SRGAP2: variants seen among roughly 807,000 people sequenced by gnomAD.
SRGAP2 encodes the protein SLIT-ROBO Rho GTPase activating protein 2, also known as SLIT-ROBO Rho GTPase-activating protein 2.
SRGAP2 carries 15 observed loss-of-function variants against 57.2 expected under a neutral mutation model. The ratio of observed to expected loss-of-function variants is 0.26; its 90% CI spans 0.18 to 0.40. SRGAP2 has a LOEUF of 0.40. Among genes scored for constraint, SRGAP2 ranks in the 10% least tolerant of loss-of-function variants. The pLI is 1.00. For synonymous variants in SRGAP2, 249 were observed against 248.0 expected, an observed-to-expected ratio of 1.00 and a Z score of -0.04; for missense variants, 520 against 669.6, an observed-to-expected ratio of 0.78 and a Z score of 2.47.
intron 4 of SRGAP2, among the ~76,000 whole-genome samples, chr1:206,357,582 C>CTTTT (rs781912077): frequency 2.2e-4 from 17 of 78,044 alleles, no homozygotes; most frequent in African/African-American, 8.8e-4. Flanking sequence ...GCTATGTTGT[C>CTTTT]TTTTTTTTTT....
At chr1:206,450,346 G>C in intron 18 of SRGAP2, 40 bp from the exon 19 acceptor site, 1 of 778,156 alleles carries the variant, frequency 1.3e-6, no homozygotes, top group Non-Finnish European at 2.4e-6. Flanking sequence ...AATTTTATGA[G>C]CACATGTTAA....
chr1:206,326,898 C>G (rs1553330173), intron 3 of SRGAP2, among the ~76,000 whole-genome samples: 3 of 152,166 alleles, frequency 2.0e-5, no homozygotes, highest in Admixed American at 6.5e-5. Flanking sequence ...TGAGGTGGCT[C>G]ATACTTGTGA....
chr1:206,321,815 C>A (rs1673469789), intron 3 of SRGAP2, among the ~76,000 whole-genome samples: 1 of 152,134 alleles, frequency 6.6e-6, no homozygotes, highest in Admixed American at 6.5e-5. Context: ...TCTTTGAGCA[C>A]TTCCTTACTT....
chr1:206,304,927 TTTTTA>T (rs1469973810), intron 3 of SRGAP2, among the ~76,000 whole-genome samples: 2 of 149,228 alleles, frequency 1.3e-5, no homozygotes, highest in African/African-American at 5.0e-5. Context: ...TACCCAGCTA[TTTTTA>T]TTTTATTTTA....
intron 11 of SRGAP2, among the ~76,000 whole-genome samples, chr1:206,418,466 G>A (rs188901266): frequency 1.3e-5 from 2 of 152,334 alleles, no homozygotes; most frequent in African/African-American, 4.8e-5. Context: ...GAGTGTGGGA[G>A]CTGATTTTTA....
chr1:206,267,714 CTT>C (rs1553314956), intron 2 of SRGAP2, among the ~76,000 whole-genome samples: 1 of 150,414 alleles, frequency 6.6e-6, no homozygotes, highest in Non-Finnish European at 1.5e-5. Context: ...TTAAAAATAA[CTT>C]TTCAAAATAT....
chr1:206,253,608 CTCCG>C (rs2102595555), intron 2 of SRGAP2, among the ~76,000 whole-genome samples: 1 of 126,604 alleles, frequency 7.9e-6, no homozygotes, highest in East Asian at 2.8e-4. Flanking sequence ...CGGAGTCTCA[CTCCG>C]TCCCCCAGGC....
At chr1:206,291,251 T>G (rs1671302466) in intron 2 of SRGAP2, among the ~76,000 whole-genome samples, 1 of 152,012 alleles carries the variant, frequency 6.6e-6, no homozygotes, top group African/African-American at 2.4e-5. Context: ...AATCCTGTTG[T>G]GATCTGTTAC....
chr1:206,326,566 T>C (rs1197698589), intron 3 of SRGAP2, among the ~76,000 whole-genome samples: 4 of 152,176 alleles, frequency 2.6e-5, no homozygotes, highest in African/African-American at 9.7e-5. Flanking sequence ...ACCACCACAA[T>C]GAAATAAGAA....
intron 2 of SRGAP2, among the ~76,000 whole-genome samples, chr1:206,234,658 T>C (rs1284835657): frequency 4.6e-5 from 7 of 152,198 alleles, no homozygotes; most frequent in Admixed American, 4.6e-4. Context: ...GGAGACACAG[T>C]AGCAGGAACA....
At chr1:206,243,551 T>G (rs1282951757) in intron 2 of SRGAP2, among the ~76,000 whole-genome samples, 1 of 152,200 alleles carries the variant, frequency 6.6e-6, no homozygotes, top group African/African-American at 2.4e-5. Context: ...GGGAAACTCA[T>G]GACAGTTGCT....
intron 3 of SRGAP2, among the ~76,000 whole-genome samples, chr1:206,327,143 A>G (rs1343263381): frequency 6.6e-6 from 1 of 152,138 alleles, no homozygotes; most frequent in African/African-American, 2.4e-5. Context: ...CCTGACCAAC[A>G]TGGAGAAACC....
chr1:206,309,139 C>T (rs1553322985), intron 3 of SRGAP2, among the ~76,000 whole-genome samples: 4 of 145,152 alleles, frequency 2.8e-5, no homozygotes, highest in Admixed American at 2.0e-4. Flanking sequence ...GCACACCAGC[C>T]TGGGTGACAG....
chr1:206,449,447 C>CTTTTTT (rs60880671), intron 18 of SRGAP2, among the ~76,000 whole-genome samples: 1 of 138,786 alleles, frequency 7.2e-6, no homozygotes. Flanking sequence ...TGCACACTGG[C>CTTTTTT]TTTTTTTTTT....
At chr1:206,203,774 G>T (rs1553300004) in intron 1 of SRGAP2, 124 bp downstream of exon 1, 1 of 1,508,122 alleles carries the variant, frequency 6.6e-7, no homozygotes, top group Non-Finnish European at 8.9e-7. Context: ...CGCCTTAGCG[G>T]TGCCGCCCGG....
At chr1:206,417,977 T>G (rs1294068486) in intron 11 of SRGAP2, among the ~76,000 whole-genome samples, 2 of 151,112 alleles carry the variant, frequency 1.3e-5, no homozygotes, top group African/African-American at 2.4e-5. Flanking sequence ...GCGCTCACAT[T>G]TGTGTGTGTG....
At chr1:206,453,759 C>CT (rs1243554891) in intron 20 of SRGAP2, 718 of 244,388 alleles carry the variant, frequency 2.9e-3, no homozygotes, top group Middle Eastern at 6.4e-3. Context: ...TTGTTACTCT[C>CT]TTTTTTTTTT....
Position 206,450,459 on chromosome 1 carries a change from G to A in SRGAP2, c.2173G>A (p.Asp725Asn), listed in dbSNP as rs754921011. 5 of 780,682 alleles carry A rather than the reference G, an allele frequency of 6.4e-6. No homozygotes were observed. Among genetic ancestry groups the A allele is most frequent in the Admixed American group, 1.7e-5 (1 of 59,006 alleles). The allele number at this position is 780,682 out of a possible 1,614,324, so 48.4% of individuals were successfully genotyped here. The change falls in exon 19 of 23, where the codon GAT (aspartate) becomes AAT (asparagine). Residue 725 changes from aspartate (D) to asparagine (N), a missense_variant. Asp to Asn is a conservative substitution (Grantham distance 23). Around this residue, in one of 5 missense-constraint regions of SRGAP2, gnomAD observed 478 missense variants for 373.6 expected, o/e 1.28. Transcript: ENST00000573034. ...QDVTAEHHTSDDECEPIEAIA... is the reference protein window; with the variant it reads ...QDVTAEHHTSNDECEPIEAIA... Reference sequence around the variant, plus strand: ...TGTGACCGCAGAGCACCACACGAGCGATGACGGTACGAGGCCCTGCTTCCT... The same window carrying A: ...TGTGACCGCAGAGCACCACACGAGCAATGACGGTACGAGGCCCTGCTTCCT...
intron 2 of SRGAP2, among the ~76,000 whole-genome samples, chr1:206,286,460 G>C (rs1671030008): frequency 1.3e-5 from 2 of 150,430 alleles, no homozygotes; most frequent in African/African-American, 4.9e-5. Context: ...CCAAAAAACA[G>C]CTCTTGATTC....
Sources: allele counts gnomAD v4.1 joint callset (sites outside exome capture counted in the v4.1 genomes callset), GRCh38; gene constraint gnomAD v4.1.1; regional missense constraint gnomAD v4.1.1; transcripts MANE v1.5; gene names NCBI Gene and HGNC (gene_info 2026-07-23, HGNC 2026-07-21).